Variants in CSMD2 observed in about 807,000 individuals in gnomAD.
CSMD2 encodes the protein CUB and sushi domain-containing protein 2.
A neutral mutation model predicts 398.5 loss-of-function variants in CSMD2; 130 were observed. The ratio of observed to expected loss-of-function variants is 0.33; its 90% CI spans 0.28 to 0.38. The LOEUF (loss-of-function observed/expected upper bound fraction) is 0.38. Among genes scored for constraint, CSMD2 ranks in the 10% least tolerant of loss-of-function variants. The pLI is 1.00. For synonymous variants in CSMD2, 1,828 were observed against 1,908.5 expected, an observed-to-expected ratio of 0.96 and a Z score of 1.10; for missense variants, 3,829 against 4,764.9, an observed-to-expected ratio of 0.80 and a Z score of 5.78.
chr1:33,737,020 C>T (rs1337614439), intron 15 of CSMD2, among the ~76,000 whole-genome samples: 1 of 152,212 alleles, frequency 6.6e-6, no homozygotes, highest in Non-Finnish European at 1.5e-5. Context: ...ATTCACAACC[C>T]TCCAGACTGG....
chr1:33,817,009 T>C (rs555184157), intron 9 of CSMD2, among the ~76,000 whole-genome samples: 1 of 152,364 alleles, frequency 6.6e-6, no homozygotes, highest in Admixed American at 6.5e-5. Flanking sequence ...TTAGTGGAAC[T>C]TCTTGGAATG....
intron 47 of CSMD2, 42 bp from the exon 48 acceptor site, chr1:33,580,941 T>C (rs761475325): frequency 6.2e-7 from 1 of 1,605,724 alleles, no homozygotes; most frequent in Non-Finnish European, 8.5e-7. Flanking sequence ...ATGGGAGCCA[T>C]CACAGGGAGC....
chr1:33,777,887 T>C (rs777245136), intron 12 of CSMD2, among the ~76,000 whole-genome samples: 1 of 152,210 alleles, frequency 6.6e-6, no homozygotes, highest in Non-Finnish European at 1.5e-5. Context: ...AAAATGTCTG[T>C]ACAGAAGGGA....
intron 12 of CSMD2, among the ~76,000 whole-genome samples, chr1:33,781,679 G>C (rs139391039): frequency 6.6e-6 from 1 of 152,310 alleles, no homozygotes; most frequent in East Asian, 1.9e-4. Flanking sequence ...AGGAAGCAAG[G>C]AGACTTCCAG....
intron 56 of CSMD2, among the ~76,000 whole-genome samples, chr1:33,547,047 G>T (rs1472048331): frequency 6.6e-6 from 1 of 152,164 alleles, no homozygotes; most frequent in Non-Finnish European, 1.5e-5. Flanking sequence ...GGTGATCGAT[G>T]CTGGGCCTTT....
At chr1:34,080,186 T>C (rs141894658) in intron 2 of CSMD2, among the ~76,000 whole-genome samples, 2,146 of 149,554 alleles carry the variant, frequency 0.014, 46 homozygotes, top group African/African-American at 0.047. Flanking sequence ...TGGAAATATA[T>C]ATATACATAT....
intron 3 of CSMD2, among the ~76,000 whole-genome samples, chr1:34,024,774 G>A (rs1248458132): frequency 6.6e-6 from 1 of 152,158 alleles, no homozygotes. Flanking sequence ...CTTAAATGCT[G>A]CAAATTGCAT....
intron 16 of CSMD2, among the ~76,000 whole-genome samples, 155 bp downstream of exon 16, chr1:33,726,392 G>T (rs775164845): frequency 5.3e-5 from 8 of 152,218 alleles, no homozygotes; most frequent in Non-Finnish European, 1.2e-4. Context: ...AGCCAGTGAG[G>T]TCTGCCCCAC....
intron 1 of CSMD2, among the ~76,000 whole-genome samples, chr1:34,093,209 A>C (rs1658856282): frequency 6.6e-6 from 1 of 152,194 alleles, no homozygotes; most frequent in African/African-American, 2.4e-5. Context: ...TGTCTGTTAG[A>C]AGGAAAACTA....
intron 64 of CSMD2, among the ~76,000 whole-genome samples, chr1:33,528,021 C>T (rs1462102697): frequency 6.6e-6 from 1 of 151,918 alleles, no homozygotes; most frequent in African/African-American, 2.4e-5. Context: ...AGAACTTCTA[C>T]CCATCAACGG....
In CSMD2 at chr1:33,716,347, G is replaced by A. The variant is rs1646167083; in HGVS notation, c.3156C>T (p.Ala1052=). ...ISAGLYGNFT[A]QVRFISDFSM... ...AGAAATCAGAGATGAAGCGGACCTG[G>A]GCAGTGAAGTTGCCATAGAGCCCAG... The change falls in exon 20 of 71, where the codon GCC becomes GCT. Residue 1052 remains alanine, a synonymous_variant. Transcript: ENST00000373381. 2 of 1,614,032 alleles carry A rather than the reference G, an allele frequency of 1.2e-6. No homozygotes were observed. Among genetic ancestry groups the A allele is most frequent in the African/African-American group, 1.3e-5 (1 of 74,918 alleles).
At chr1:33,778,199 T>C (rs1652247027) in intron 12 of CSMD2, among the ~76,000 whole-genome samples, 1 of 152,196 alleles carries the variant, frequency 6.6e-6, no homozygotes, top group Non-Finnish European at 1.5e-5. Context: ...CCCCATTCTT[T>C]TTATTTTTTC....
In CSMD2 at chr1:33,709,225, C is replaced by A. The variant is rs771126747; in HGVS notation, c.3440G>T (p.Gly1147Val). The A allele has an allele frequency of 3.7e-6, 6 of 1,613,922 alleles. No homozygotes were observed. Among genetic ancestry groups the A allele is most frequent in the Non-Finnish European group, 5.1e-6 (6 of 1,179,958 alleles). Residue 1147 changes from glycine to valine, a missense_variant, in exon 22 of 71, where the codon GGT (glycine) becomes GTT (valine). Around this residue, in one of 5 missense-constraint regions of CSMD2, gnomAD observed 2,001 missense variants for 2,567.1 expected, o/e 0.78. Coordinates refer to ENST00000373381, the MANE Select transcript of CSMD2 (RefSeq NM_001281956.2). ...AGGAAAGTTGGGGGACAGCAAAGTACCCTGAGTGCCTGTGACTGAATTCCC... is the reference window on the plus strand; with the variant it reads ...AGGAAAGTTGGGGGACAGCAAAGTAACCTGAGTGCCTGTGACTGAATTCCC... The part of the protein sequence containing the change: ...ECGNSVTGTQ[G>V]TLLSPNFPVN...
At chr1:34,086,429 C>G (rs1657897459) in intron 2 of CSMD2, among the ~76,000 whole-genome samples, 1 of 152,212 alleles carries the variant, frequency 6.6e-6, no homozygotes, top group African/African-American at 2.4e-5. Context: ...CCTTCTCCAC[C>G]TGGATATCTA....
chr1:33,810,906 G>A (rs771159929), intron 9 of CSMD2, 42 bp from the exon 10 acceptor site: 4 of 1,599,610 alleles, frequency 2.5e-6, no homozygotes, highest in Non-Finnish European at 2.6e-6. Flanking sequence ...TTAAGACTAG[G>A]TCCAGTTCCC....
chr1:34,160,280 C>T (rs1641210547), intron 1 of CSMD2, among the ~76,000 whole-genome samples: 1 of 152,226 alleles, frequency 6.6e-6, no homozygotes, highest in Non-Finnish European at 1.5e-5. Flanking sequence ...GCAGTCAGCT[C>T]ATTTTTTAAA....
chr1:33,964,528 T>C (rs1228063350), intron 3 of CSMD2, among the ~76,000 whole-genome samples: 1 of 152,212 alleles, frequency 6.6e-6, no homozygotes, highest in African/African-American at 2.4e-5. Context: ...CCTTAAGTTT[T>C]GTATATTCCA....
Position 33,581,354 on chromosome 1 carries a change from T to TTAA in CSMD2, c.7241-456_7241-455insTTA, listed in dbSNP as rs1553146953. ...TTGGCAAGCAAGACCCCATCTTTAC[T>TTAA]AAAAAAAAAAAAAAAAAAAAAAAAA... is the stretch of plus-strand genomic sequence containing the variant. On this transcript the variant is annotated intron_variant, in intron 47 of 70. Transcript: ENST00000373381. Among the ~76,000 whole-genome samples the TTAA allele has an allele frequency of 8.7e-3, 729 of 84,210 alleles. 65 individuals are homozygous for TTAA. Among genetic ancestry groups the TTAA allele is most frequent in the Non-Finnish European group, 0.014 (606 of 43,626 alleles). The allele number at this position is 84,210 out of a possible 152,430, so 55.2% of individuals were successfully genotyped here. A position where few individuals can be genotyped will look rare whatever the true frequency, so the allele number is the denominator to read the frequency against.
intron 5 of CSMD2, among the ~76,000 whole-genome samples, chr1:33,872,517 T>C (rs1200832999): frequency 1.3e-5 from 2 of 152,030 alleles, no homozygotes; most frequent in Non-Finnish European, 2.9e-5. Flanking sequence ...GATCAAACAA[T>C]AGGGACTCTA....
Sources: gnomAD v4.1 joint callset for allele counts (sites outside exome capture counted in the v4.1 genomes callset) on GRCh38, gnomAD v4.1.1 for gene constraint, gnomAD v4.1.1 regional missense constraint, MANE v1.5 for transcripts, NCBI Gene and HGNC (gene_info 2026-07-23, HGNC 2026-07-21) for gene names.